The following DHRS7C variants were observed in gnomAD, a reference collection of about 807,000 sequenced individuals.
DHRS7C encodes the protein dehydrogenase/reductase SDR family member 7C.
DHRS7C carries 28 observed loss-of-function variants against 29.6 expected under a neutral mutation model. The observed-to-expected ratio is 0.95, with a 90% confidence interval of 0.70 to 1.30. The LOEUF (loss-of-function observed/expected upper bound fraction) is 1.30, where lower values mean the gene tolerates loss of function less well. DHRS7C is among the 50% of genes most tolerant of loss of function. The pLI, the probability that DHRS7C is intolerant of heterozygous loss-of-function variation, is 0.00. For synonymous variants in DHRS7C, 158 were observed against 160.2 expected, an observed-to-expected ratio of 0.99 and a Z score of 0.10; for missense variants, 403 against 393.3, an observed-to-expected ratio of 1.02 and a Z score of -0.21.
In DHRS7C at chr17:9,774,438, T is replaced by A. The variant is rs765001903; in HGVS notation, c.572-1516A>T. ...TAACTGAGATTATGGGTACACACCATCATGCCTGGCTAATTTTTGTATTTT... is the reference window on the plus strand; with the variant it reads ...TAACTGAGATTATGGGTACACACCAACATGCCTGGCTAATTTTTGTATTTT... On this transcript the variant is annotated intron_variant, in intron 4 of 5. Coordinates refer to ENST00000571134, the MANE Select transcript of DHRS7C (RefSeq NM_001105571.3). The surrounding 1 kb of genome is among the most constrained non-coding windows in gnomAD (Gnocchi z 5.0). Among the ~76,000 whole-genome samples the A allele has an allele frequency of 2.0e-5, 3 of 152,054 alleles. No homozygotes were observed. Among genetic ancestry groups the A allele is most frequent in the Non-Finnish European group, 4.4e-5 (3 of 67,994 alleles).
intron 3 of DHRS7C, among the ~76,000 whole-genome samples, chr17:9,779,130 G>A (rs1226260442): frequency 4.6e-5 from 7 of 152,032 alleles, no homozygotes; most frequent in African/African-American, 1.2e-4. Context: ...GGCTGGTCTC[G>A]AATTCCTGAC....
chr17:9,781,459 C>T (rs546153555), intron 2 of DHRS7C, 23 bp downstream of exon 2: 16 of 1,610,014 alleles, frequency 9.9e-6, no homozygotes, highest in Middle Eastern at 1.7e-4. Flanking sequence ...GAGTTACCCA[C>T]GCCTACTGCT....
chr17:9,773,741 T>TTTTCC (rs57969612), intron 4 of DHRS7C, among the ~76,000 whole-genome samples: 2 of 129,290 alleles, frequency 1.5e-5, no homozygotes, highest in East Asian at 2.5e-4. Flanking sequence ...TTTTTTTTTT[T>TTTTCC]TGAGACGGCG....
chr17:9,776,013 C>T (rs2066360513), intron 4 of DHRS7C, among the ~76,000 whole-genome samples: 2 of 152,084 alleles, frequency 1.3e-5, no homozygotes, highest in South Asian at 4.1e-4. Context: ...ATCAGCCTGG[C>T]CAATATGGGG....
At chr17:9,783,791 C>A (rs969776950) in intron 1 of DHRS7C, among the ~76,000 whole-genome samples, 2 of 152,036 alleles carry the variant, frequency 1.3e-5, no homozygotes, top group Non-Finnish European at 2.9e-5. Context: ...CATGATGAAA[C>A]CCCGTCTCTA....
In DHRS7C at chr17:9,771,670, C is replaced by T. The variant is rs1448850596; in HGVS notation, c.754G>A (p.Val252Met). Residue 252 changes from valine to methionine, a missense_variant, in exon 6 of 6, where the codon GTG becomes ATG. Transcript: ENST00000571134. ...KFFFRKLTYG[V>M]HPVEVAEEVM... ...TCCTCCGCCACCTCTACTGGGTGCA[C>T]GCCGTAGGTCAGCTTCCTGAAAAAG... 7 of 1,526,116 alleles carry T rather than the reference C, an allele frequency of 4.6e-6. No homozygotes were observed. The highest frequency in any genetic ancestry group is 2.4e-5 in the East Asian group (1 of 40,848). The allele number at this position is 1,526,116 out of a possible 1,614,324, so 94.5% of individuals were successfully genotyped here.
At chr17:9,772,197 G>A (rs1369179868) in intron 5 of DHRS7C, among the ~76,000 whole-genome samples, 1 of 152,168 alleles carries the variant, frequency 6.6e-6, no homozygotes, top group African/African-American at 2.4e-5. Context: ...TAGAGGGGCT[G>A]GTTGCTATTC....
rs918731099 is a variant in DHRS7C, at chr17:9,774,072, C to T, written c.572-1150G>A. Reference sequence around the variant, plus strand: ...ATTGTGCGGTATGTGAATTACACAGCCAATACAAGTGTTACCAAAAAAAGG... The same window carrying T: ...ATTGTGCGGTATGTGAATTACACAGTCAATACAAGTGTTACCAAAAAAAGG... On this transcript the variant is annotated intron_variant, in intron 4 of 5. Coordinates refer to ENST00000571134, the MANE Select transcript of DHRS7C (RefSeq NM_001105571.3). This position sits in a 1 kb window ranked among gnomAD's most constrained non-coding sequence, Gnocchi z 5.0. Among the ~76,000 whole-genome samples the T allele has an allele frequency of 7.9e-5, 12 of 152,146 alleles. No homozygotes were observed. Among genetic ancestry groups the T allele is most frequent in the African/African-American group, 2.4e-4 (10 of 41,430 alleles).
chr17:9,771,744 C>T lies in DHRS7C; in HGVS notation c.728-48G>A, dbSNP rs541399359. ...GGGGGTTATGACCTCCGTGGGGACCCGGCTGGTCAGAGCCCTGCACATGCA... is the reference window on the plus strand; with the variant it reads ...GGGGGTTATGACCTCCGTGGGGACCTGGCTGGTCAGAGCCCTGCACATGCA... On this transcript the variant is annotated intron_variant, in intron 5 of 5. Transcript: ENST00000571134. 2.7e-5 allele frequency: 37 copies of T among 1,362,062 alleles called. No individual in the cohort carries two copies. In the East Asian group the frequency reaches 6.3e-4, roughly 23 times the overall value. 84.4% of individuals were successfully genotyped at this position (1,362,062 alleles called of 1,614,324 possible).
intron 1 of DHRS7C, among the ~76,000 whole-genome samples, chr17:9,790,417 A>G (rs183552348): frequency 2.0e-5 from 3 of 152,350 alleles, no homozygotes; most frequent in African/African-American, 7.2e-5. Flanking sequence ...TCACCAGCAG[A>G]AGGGCCTCTC....
intron 1 of DHRS7C, among the ~76,000 whole-genome samples, chr17:9,789,992 GTT>G (rs2066445724): frequency 6.6e-6 from 1 of 152,148 alleles, no homozygotes; most frequent in South Asian, 2.1e-4. Context: ...CTTATGCTTT[GTT>G]TTTTATCTTA....
intron 1 of DHRS7C, among the ~76,000 whole-genome samples, chr17:9,788,677 C>CA (rs1324818971): frequency 6.6e-6 from 1 of 152,140 alleles, no homozygotes; most frequent in Non-Finnish European, 1.5e-5. Flanking sequence ...CGATGGCACC[C>CA]ATGGGGTTCG....
intron 4 of DHRS7C, among the ~76,000 whole-genome samples, chr17:9,776,990 A>G (rs367943389): frequency 3.3e-5 from 5 of 152,176 alleles, no homozygotes; most frequent in Admixed American, 2.6e-4. Context: ...TATCTTTAAT[A>G]TCTCAGCATC....
At chr17:9,780,069 G>C (rs1170195467) in intron 2 of DHRS7C, 34 bp from the exon 3 acceptor site, 3 of 1,598,354 alleles carry the variant, frequency 1.9e-6, no homozygotes, top group Non-Finnish European at 2.6e-6. Context: ...GGGTATGTGT[G>C]AGATCTCCTC....
intron 1 of DHRS7C, among the ~76,000 whole-genome samples, chr17:9,787,769 G>A (rs112951908): frequency 3.3e-5 from 5 of 151,924 alleles, no homozygotes; most frequent in African/African-American, 9.7e-5. Flanking sequence ...GTGCAGTGGT[G>A]TGATTTCAGC....
intron 1 of DHRS7C, among the ~76,000 whole-genome samples, chr17:9,782,400 T>C (rs1464786210): frequency 6.6e-6 from 1 of 152,006 alleles, no homozygotes; most frequent in East Asian, 1.9e-4. Flanking sequence ...GGGAGTGAGG[T>C]CATGGAATAG....
At chr17:9,791,087 C>T (rs766226967) in intron 1 of DHRS7C, 44 bp downstream of exon 1, 17 of 1,575,752 alleles carry the variant, frequency 1.1e-5, no homozygotes, top group South Asian at 8.1e-5. Context: ...CCTGCCAGTC[C>T]CTGGGGGCAG....
At position 9,777,005 on chromosome 17, in the gene DHRS7C, A is replaced by G. The variant is rs2152015789; in HGVS notation, c.571+188T>C. 2.0e-5 allele frequency among the ~76,000 whole-genome samples: 3 copies of G among 152,284 alleles called. 1 individual carries two copies. The highest frequency in any genetic ancestry group is 2.1e-4 in the South Asian group (1 of 4,832). ...TATCTTTAATATCTCAGCATCTCCCATAGCCACTTGCATGCTGTAGGTGCT... is the reference window on the plus strand; with the variant it reads ...TATCTTTAATATCTCAGCATCTCCCGTAGCCACTTGCATGCTGTAGGTGCT... On this transcript the variant is annotated intron_variant, in intron 4 of 5. Transcript: ENST00000571134.
At chr17:9,787,699 CTTTTAA>C (rs1638654644) in intron 1 of DHRS7C, among the ~76,000 whole-genome samples, 1 of 152,002 alleles carries the variant, frequency 6.6e-6, no homozygotes, top group Non-Finnish European at 1.5e-5. Context: ...TAATAAATGA[CTTTTAA>C]TTTTAATTTT....
Sources: gnomAD v4.1 joint callset for allele counts (sites outside exome capture counted in the v4.1 genomes callset) on GRCh38, gnomAD v4.1.1 for gene constraint, Gnocchi (gnomAD v3.1) non-coding constraint, MANE v1.5 for transcripts, NCBI Gene and HGNC (gene_info 2026-07-23, HGNC 2026-07-21) for gene names.